The following CLTCL1 variants were observed in gnomAD, a reference collection of about 807,000 sequenced individuals.
CLTCL1 encodes clathrin heavy chain like 1.
CLTCL1 carries 159 observed loss-of-function variants against 190.0 expected under a neutral mutation model. That is an observed-to-expected ratio of 0.84 (90% CI 0.74 to 0.95). The LOEUF (loss-of-function observed/expected upper bound fraction) is 0.95, where lower values mean the gene tolerates loss of function less well. Among genes scored for constraint, CLTCL1 ranks in the 40% least tolerant of loss-of-function variants. The pLI, the probability that CLTCL1 is intolerant of heterozygous loss-of-function variation, is 0.00. For missense variants in CLTCL1, 1,878 were observed against 2,033.4 expected (o/e 0.92, Z 1.47); for synonymous variants, 752 against 769.6 (o/e 0.98, Z 0.38).
intron 6 of CLTCL1, among the ~76,000 whole-genome samples, chr22:19,234,975 T>A (rs2086034580): frequency 6.6e-6 from 1 of 152,244 alleles, no homozygotes; most frequent in Admixed American, 6.5e-5. Context: ...CCTATGTGGA[T>A]GGAACTGACA....
chr22:19,180,843 C>CA (rs782524413), intron 30 of CLTCL1, 37 bp from the exon 31 acceptor site: 5 of 1,589,278 alleles, frequency 3.1e-6, no homozygotes, highest in East Asian at 2.2e-5. Context: ...ACCCGCTTGA[C>CA]AGAGTGCAGT....
At chr22:19,186,797 C>T (rs1555928523) in intron 29 of CLTCL1, among the ~76,000 whole-genome samples, 1 of 152,118 alleles carries the variant, frequency 6.6e-6, no homozygotes, top group African/African-American at 2.4e-5. Flanking sequence ...GATAGGGTTT[C>T]ACCATATTGG....
rs115841408 is a variant in CLTCL1 at position 19,233,612 on chromosome 22, C to T, written c.1178G>A (p.Arg393His). The T allele has an allele frequency of 1.6e-4, 258 of 1,613,066 alleles. No individual in the cohort carries two copies. In the African/African-American group the frequency reaches 2.2e-3, roughly 14 times the overall value. Residue 393 changes from arginine to histidine, a missense_variant, in exon 8 of 33, where the codon CGT (arginine) becomes CAT (histidine). Coordinates refer to ENST00000427926, the MANE Select transcript of CLTCL1 (RefSeq NM_007098.4). ...GAATTTCTGGACCGTCTCTCTGGTACGCAGGATTCCCTAATAATAAATGGA... is the reference window on the plus strand; with the variant it reads ...GAATTTCTGGACCGTCTCTCTGGTATGCAGGATTCCCTAATAATAAATGGA... ...VAASAPKGIL[R>H]TRETVQKFQS... is the part of the protein sequence containing the mutation.
Position 19,225,604 on chromosome 22 carries a change from C to T in CLTCL1, c.1977G>A (p.Ser659=), listed in dbSNP as rs375311621. 4 of 1,568,894 alleles carry T rather than the reference C, an allele frequency of 2.5e-6. No homozygotes were observed. The highest frequency in any genetic ancestry group is 3.8e-5 in the Admixed American group (2 of 52,758). The part of the protein sequence containing the change: ...EWLVNFFGSL[S]VEDSVECLHA... Reference sequence around the variant, plus strand: ...GCAGACACTCCACAGAATCCTCCACCGATAAGGAGCCAAAGAAATTGACAA... The same window carrying T: ...GCAGACACTCCACAGAATCCTCCACTGATAAGGAGCCAAAGAAATTGACAA... Residue 659 remains serine (S), a synonymous_variant, in exon 13 of 33, where the codon TCG becomes TCA. Coordinates refer to ENST00000427926, the MANE Select transcript of CLTCL1 (RefSeq NM_007098.4).
At chr22:19,282,538 C>T (rs558717275) in intron 1 of CLTCL1, among the ~76,000 whole-genome samples, 145 of 140,412 alleles carry the variant, frequency 1.0e-3, no homozygotes, top group African/African-American at 3.7e-3. Context: ...CTCAGGAGGC[C>T]GAGGCAGGAG....
chr22:19,234,426 G>A lies in CLTCL1; in HGVS notation c.1167+83C>T, dbSNP rs902628625. 1.4e-5 allele frequency: 18 copies of A among 1,253,514 alleles called. No individual in the cohort carries two copies. The African/African-American group carries it at 2.3e-4, about 16-fold the overall frequency. The allele number at this position is 1,253,514 out of a possible 1,614,324, so 77.6% of individuals were successfully genotyped here. The stretch of plus-strand genomic sequence containing the variant: ...ACACTAATAGACTGCAATATCACTA[G>A]TGAAATGCTTTTATGACTTATTTTC... On this transcript the variant is annotated intron_variant, in intron 7 of 32. Coordinates refer to ENST00000427926, the MANE Select transcript of CLTCL1 (RefSeq NM_007098.4).
At chr22:19,186,116 C>T (rs2084306749) in intron 29 of CLTCL1, among the ~76,000 whole-genome samples, 1 of 152,168 alleles carries the variant, frequency 6.6e-6, no homozygotes, top group Non-Finnish European at 1.5e-5. Context: ...GAGCCAACAG[C>T]CGCAGACCAG....
intron 1 of CLTCL1, among the ~76,000 whole-genome samples, chr22:19,288,106 G>A (rs557498054): frequency 4.6e-5 from 7 of 152,306 alleles, no homozygotes; most frequent in African/African-American, 1.7e-4. Flanking sequence ...TATCCACGCT[G>A]TAGACATTGC....
Position 19,229,791 on chromosome 22 carries a change from G to T in CLTCL1, c.1782+47C>A, listed in dbSNP as rs782257854. 66 of 1,541,310 alleles carry T rather than the reference G, an allele frequency of 4.3e-5. No homozygotes were observed. The East Asian group carries it at 1.4e-3, about 34-fold the overall frequency. ...TGCTCAAGTCTGCAAACCCAGAGAG[G>T]TGCCACAGGTGCTCTGCCTCTCGGT... On this transcript the variant is annotated intron_variant, in intron 11 of 32. Transcript: ENST00000427926.
rs1489216570 is a variant in CLTCL1 at position 19,225,538 on chromosome 22, C to A, written c.2043G>T (p.Leu681=). The A allele has an allele frequency of 1.3e-6, 2 of 1,588,226 alleles. No homozygotes were observed. Among genetic ancestry groups the A allele is most frequent in the South Asian group, 2.3e-5 (2 of 87,172 alleles). Residue 681 remains leucine, a synonymous_variant, in exon 13 of 33, where the codon CTG becomes CTT. Coordinates refer to ENST00000427926, the MANE Select transcript of CLTCL1 (RefSeq NM_007098.4). ...GGTACTTAGAGGCCACCTGCACACACAGCTGAAGGTTCTGTCTGATGTTAG... is the reference window on the plus strand; with the variant it reads ...GGTACTTAGAGGCCACCTGCACACAAAGCTGAAGGTTCTGTCTGATGTTAG... ...LSANIRQNLQ[L]CVQVASKYHE...
intron 22 of CLTCL1, among the ~76,000 whole-genome samples, chr22:19,205,403 G>A (rs191580738): frequency 2.6e-3 from 392 of 152,258 alleles, no homozygotes; most frequent in Non-Finnish European, 4.4e-3. Flanking sequence ...CCAGCTACTC[G>A]GGAGGCTGAG....
intron 5 of CLTCL1, 25 bp downstream of exon 5, chr22:19,239,250 T>C (rs1191634543): frequency 1.3e-6 from 2 of 1,544,948 alleles, no homozygotes; most frequent in Non-Finnish European, 1.8e-6. Context: ...GACATGAAGA[T>C]GTTTAGAGAG....
intron 29 of CLTCL1, among the ~76,000 whole-genome samples, chr22:19,187,340 CCAAA>C (rs3216369): frequency 0.077 from 11,668 of 152,170 alleles, 574 homozygotes; most frequent in East Asian, 0.14. Flanking sequence ...GTCTTTCAAT[CCAAA>C]CAGTTTTTAA....
intron 1 of CLTCL1, among the ~76,000 whole-genome samples, chr22:19,284,822 CA>C (rs1162053238): frequency 6.6e-6 from 1 of 151,818 alleles, no homozygotes; most frequent in African/African-American, 2.4e-5. Context: ...GGCATGGTGG[CA>C]CGCACCTGTA....
chr22:19,248,351 A>T (rs1490512631), intron 3 of CLTCL1, among the ~76,000 whole-genome samples: 4 of 152,110 alleles, frequency 2.6e-5, no homozygotes, highest in Non-Finnish European at 5.9e-5. Flanking sequence ...CTCATCAGCT[A>T]TTGCTAGTGT....
intron 2 of CLTCL1, among the ~76,000 whole-genome samples, chr22:19,261,035 A>G (rs550668073): frequency 3.3e-5 from 5 of 152,092 alleles, no homozygotes; most frequent in Non-Finnish European, 7.4e-5. Context: ...AGCTGTTTTC[A>G]TGCCTGCTAA....
chr22:19,213,578 A>G (rs1015078074), intron 19 of CLTCL1, among the ~76,000 whole-genome samples: 1 of 152,218 alleles, frequency 6.6e-6, no homozygotes, highest in African/African-American at 2.4e-5. Context: ...GTACAACAGA[A>G]TATCATTCAG....
At chr22:19,257,453 T>G (rs751805388) in intron 2 of CLTCL1, 4 of 223,276 alleles carry the variant, frequency 1.8e-5, no homozygotes, top group Non-Finnish European at 3.6e-5. Context: ...ATTAAAGACC[T>G]AAACATAAAA....
chr22:19,253,755 C>T lies in CLTCL1; in HGVS notation c.519+204G>A, dbSNP rs182805916. Among the ~76,000 whole-genome samples, 75 of 151,682 alleles carry T rather than the reference C, an allele frequency of 4.9e-4. 1 individual carries two copies. The East Asian group carries it at 0.011, about 23-fold the overall frequency. On this transcript the variant is annotated intron_variant, in intron 3 of 32. Transcript: ENST00000427926. ...TTGCTCTGTTGCCCAGGCTGGAGTG[C>T]AGTGGCGCAATCTTGGCTCACTGCA...
Sources: allele counts gnomAD v4.1 joint callset (sites outside exome capture counted in the v4.1 genomes callset), GRCh38; gene constraint gnomAD v4.1.1; transcripts MANE v1.5; gene names NCBI Gene and HGNC (gene_info 2026-07-23, HGNC 2026-07-21).